CLSTN2: variants seen among roughly 807,000 people sequenced by gnomAD.
CLSTN2 encodes the protein calsyntenin 2, also known as calsyntenin-2.
CLSTN2 carries 48 observed loss-of-function variants against 101.2 expected under a neutral mutation model. The observed-to-expected ratio is 0.47, with a 90% CI of 0.38 to 0.60. The LOEUF is 0.60. Ranked by LOEUF, CLSTN2 falls within the 20% of genes least tolerant of loss-of-function variation. The pLI, the probability that CLSTN2 is intolerant of heterozygous loss-of-function variation, is 0.00. For missense variants in CLSTN2, 1,160 were observed against 1,238.2 expected, an observed-to-expected ratio of 0.94 and a Z score of 0.95; for synonymous variants, 481 against 463.6, an observed-to-expected ratio of 1.04 and a Z score of -0.48.
intron 8 of CLSTN2, among the ~76,000 whole-genome samples, chr3:140,512,827 A>T (rs1400334482): frequency 6.6e-6 from 1 of 152,132 alleles, no homozygotes; most frequent in Non-Finnish European, 1.5e-5. Flanking sequence ...GAGGTCCTTC[A>T]GTTCCCTTGT....
chr3:140,481,932 C>T (rs1341856173), intron 8 of CLSTN2, among the ~76,000 whole-genome samples: 3 of 152,110 alleles, frequency 2.0e-5, no homozygotes, highest in African/African-American at 7.2e-5. Flanking sequence ...TAATTGAATA[C>T]CCTTTATTTC....
chr3:140,365,758 G>C (rs1043424948), intron 2 of CLSTN2, among the ~76,000 whole-genome samples: 3 of 152,186 alleles, frequency 2.0e-5, no homozygotes, highest in African/African-American at 4.8e-5. Flanking sequence ...ATCTGTATTT[G>C]GGGTTGGTGC....
intron 8 of CLSTN2, among the ~76,000 whole-genome samples, chr3:140,514,785 CCATGCCAA>C (rs1340965634): frequency 6.6e-6 from 1 of 152,050 alleles, no homozygotes; most frequent in Non-Finnish European, 1.5e-5. Context: ...ATCCATGCCA[CCATGCCAA>C]CATCTATTTA....
At chr3:140,422,727 A>G (rs922356405) in intron 5 of CLSTN2, among the ~76,000 whole-genome samples, 6 of 152,280 alleles carry the variant, frequency 3.9e-5, no homozygotes, top group East Asian at 1.9e-4. Flanking sequence ...TGTTTTCCCA[A>G]CCTCAGGGAG....
intron 8 of CLSTN2, among the ~76,000 whole-genome samples, chr3:140,526,597 A>C (rs1267324088): frequency 8.2e-6 from 1 of 121,296 alleles, no homozygotes; most frequent in East Asian, 2.0e-4. Context: ...CAAACAAACA[A>C]AAAAAAAAAA....
intron 2 of CLSTN2, among the ~76,000 whole-genome samples, chr3:140,263,699 A>T (rs1157932532): frequency 2.0e-5 from 3 of 152,136 alleles, no homozygotes; most frequent in Admixed American, 6.6e-5. Flanking sequence ...GTGTCCAGTG[A>T]CTTAGAACAA....
intron 2 of CLSTN2, among the ~76,000 whole-genome samples, chr3:140,240,806 T>C (rs1332544370): frequency 2.0e-5 from 3 of 152,176 alleles, no homozygotes; most frequent in Admixed American, 2.0e-4. Context: ...AAAGGTGTTC[T>C]GCAGCTGGGG....
chr3:139,978,289 T>C (rs944902521), intron 1 of CLSTN2, among the ~76,000 whole-genome samples: 8 of 152,180 alleles, frequency 5.3e-5, no homozygotes, highest in African/African-American at 1.9e-4. Flanking sequence ...TATACACTTG[T>C]TTTTGAACTG....
At chr3:140,454,468 C>T (rs1202137440) in intron 6 of CLSTN2, 1 of 152,024 alleles carries the variant, frequency 6.6e-6, no homozygotes, top group Admixed American at 6.6e-5. Flanking sequence ...GTGTGAGCTC[C>T]TGAAAGGACA....
chr3:140,036,159 C>T (rs955884611), intron 1 of CLSTN2, among the ~76,000 whole-genome samples: 1 of 152,164 alleles, frequency 6.6e-6, no homozygotes, highest in Admixed American at 6.5e-5. Flanking sequence ...TTTCCTGGTG[C>T]CTGGCCTAGG....
rs1015811855 is a variant in CLSTN2, at chr3:140,281,065, C to T, written c.232+104992C>T. On this transcript the variant is annotated intron_variant, in intron 2 of 16. Coordinates refer to ENST00000458420, the MANE Select transcript of CLSTN2 (RefSeq NM_022131.3). Reference sequence around the variant, plus strand: ...GAAGAGTGGCCATGGTTGAGTTTCTCAAAGTTTCCTTTCAAATGTACAGGT... The same window carrying T: ...GAAGAGTGGCCATGGTTGAGTTTCTTAAAGTTTCCTTTCAAATGTACAGGT... 2.6e-5 allele frequency among the ~76,000 whole-genome samples: 4 copies of T among 152,184 alleles called. No homozygotes were observed. In the South Asian group the frequency reaches 8.3e-4, roughly 32 times the overall value.
intron 2 of CLSTN2, among the ~76,000 whole-genome samples, chr3:140,282,029 CTGTATG>C (rs1183446917): frequency 6.6e-6 from 1 of 152,148 alleles, no homozygotes; most frequent in Non-Finnish European, 1.5e-5. Flanking sequence ...CAGCCCAAAA[CTGTATG>C]TGTTTGTGTG....
intron 2 of CLSTN2, among the ~76,000 whole-genome samples, chr3:140,223,549 G>A (rs1314686776): frequency 6.6e-6 from 1 of 151,952 alleles, no homozygotes. Flanking sequence ...TTTTGCACCC[G>A]GCTTTTTACC....
At chr3:140,062,582 G>A (rs562757796) in intron 1 of CLSTN2, among the ~76,000 whole-genome samples, 1 of 152,344 alleles carries the variant, frequency 6.6e-6, no homozygotes, top group East Asian at 1.9e-4. Context: ...AGGCAGAGCT[G>A]CAGACTGCAT....
intron 1 of CLSTN2, among the ~76,000 whole-genome samples, chr3:140,032,979 T>C (rs563135366): frequency 6.6e-6 from 1 of 152,216 alleles, no homozygotes; most frequent in Non-Finnish European, 1.5e-5. Flanking sequence ...ACAGTACCCA[T>C]TGAATCTGAC....
intron 1 of CLSTN2, among the ~76,000 whole-genome samples, chr3:140,047,847 C>A (rs915002617): frequency 6.6e-6 from 1 of 152,198 alleles, no homozygotes; most frequent in Non-Finnish European, 1.5e-5. Context: ...ACCCAATCAC[C>A]TTTTAAAGGC....
At chr3:140,046,936 G>T (rs555951895) in intron 1 of CLSTN2, among the ~76,000 whole-genome samples, 2 of 152,092 alleles carry the variant, frequency 1.3e-5, no homozygotes, top group African/African-American at 4.8e-5. Flanking sequence ...GGTGTTGCCT[G>T]CTTCCAACTG....
At chr3:140,312,517 G>C (rs2087180385) in intron 2 of CLSTN2, among the ~76,000 whole-genome samples, 1 of 152,206 alleles carries the variant, frequency 6.6e-6, no homozygotes, top group Non-Finnish European at 1.5e-5. Flanking sequence ...TAGAATTTGA[G>C]CTGTGAGCAT....
chr3:140,271,740 G>A (rs4549244), intron 2 of CLSTN2, among the ~76,000 whole-genome samples: 1 of 152,060 alleles, frequency 6.6e-6, no homozygotes, highest in Non-Finnish European at 1.5e-5. Context: ...GAAACATTCA[G>A]ACCATAGCAA....
Sources: allele counts gnomAD v4.1 joint callset (sites outside exome capture counted in the v4.1 genomes callset), GRCh38; gene constraint gnomAD v4.1.1; transcripts MANE v1.5; gene names NCBI Gene and HGNC (gene_info 2026-07-23, HGNC 2026-07-21).